The following MROH1 variants were observed in gnomAD, a reference collection of about 807,000 sequenced individuals.
MROH1 encodes maestro heat-like repeat-containing protein family member 1.
A neutral mutation model predicts 116.5 loss-of-function variants in MROH1; 117 were observed. The observed-to-expected ratio is 1.00, with a 90% CI of 0.86 to 1.17. The LOEUF (loss-of-function observed/expected upper bound fraction) is 1.17. MROH1 is among the 50% of genes most tolerant of loss of function. The pLI, the probability that MROH1 is intolerant of heterozygous loss-of-function variation, is 0.00. For missense variants in MROH1, 1,873 were observed against 1,338.5 expected (o/e 1.40, Z -6.23); for synonymous variants, 921 against 583.9 (o/e 1.58, Z -8.32).
chr8:144,216,503 C>T (rs1835297605), intron 12 of MROH1, among the ~76,000 whole-genome samples: 1 of 151,860 alleles, frequency 6.6e-6, no homozygotes, highest in Non-Finnish European at 1.5e-5. Context: ...ACACAGTGTC[C>T]AGTGTCTTTG....
rs1404346444 is a variant in MROH1 at position 144,192,683 on chromosome 8, G to C, written c.948+282G>C. 6.9e-5 allele frequency: 42 copies of C among 610,266 alleles called. No individual in the cohort carries two copies. The East Asian group carries it at 1.3e-3, about 19-fold the overall frequency. The allele number at this position is 610,266 out of a possible 1,614,324, so 37.8% of individuals were successfully genotyped here. A position where few individuals can be genotyped will look rare whatever the true frequency, so the allele number is the denominator to read the frequency against. ...CAGGCCCAGTACAGGTGGTCCCAGA[G>C]AAAGGTCAGCGCAGCTGAAGTGCCA... is the stretch of plus-strand genomic sequence containing the variant. On this transcript the variant is annotated intron_variant, in intron 10 of 43. Transcript: ENST00000326134.
chr8:144,184,818 G>A (rs1049336148), intron 7 of MROH1, among the ~76,000 whole-genome samples: 1 of 152,186 alleles, frequency 6.6e-6, no homozygotes, highest in African/African-American at 2.4e-5. Flanking sequence ...AAAGGGAGAT[G>A]CTGTGGAGGG....
At chr8:144,206,438 T>C (rs1832824281) in intron 12 of MROH1, among the ~76,000 whole-genome samples, 1 of 151,240 alleles carries the variant, frequency 6.6e-6, no homozygotes, top group African/African-American at 2.4e-5. Context: ...TTTTTTTTTT[T>C]TGAGACATAG....
At chr8:144,168,132 G>A (rs1264968809) in intron 3 of MROH1, among the ~76,000 whole-genome samples, 163 bp from the exon 4 acceptor site, 1 of 152,190 alleles carries the variant, frequency 6.6e-6, no homozygotes, top group Middle Eastern at 3.2e-3. Flanking sequence ...CAGCAGCTCA[G>A]GTGGAGGGAG....
chr8:144,162,105 G>T, intron 2 of MROH1, among the ~76,000 whole-genome samples: 1 of 130,940 alleles, frequency 7.6e-6, no homozygotes, highest in African/African-American at 2.9e-5. Context: ...TTTTTTTTAA[G>T]ACAGAGTCTC....
In MROH1 at chr8:144,162,725, G is replaced by GT. The variant is rs113583235; in HGVS notation, c.-56-1035dup. On this transcript the variant is annotated intron_variant, in intron 2 of 43. Coordinates refer to ENST00000326134, the MANE Select transcript of MROH1 (RefSeq NM_032450.3). ...GATGTCTTTTTTCTTTCTTTCTTTT[G>GT]TTTTTTTTTTTCTCTGAGACAGAGT... is the stretch of plus-strand genomic sequence containing the variant. Among the ~76,000 whole-genome samples, 411 of 142,304 alleles carry GT rather than the reference G, an allele frequency of 2.9e-3. 1 individual carries two copies. The highest frequency in any genetic ancestry group is 4.4e-3 in the Non-Finnish European group (282 of 64,760). 93.4% of individuals were successfully genotyped at this position (142,304 alleles called of 152,430 possible).
rs1170456365 is a variant in MROH1, at chr8:144,163,730, A to G, written c.-56-41A>G. On this transcript the variant is annotated intron_variant, in intron 2 of 43. Coordinates refer to ENST00000326134, the MANE Select transcript of MROH1 (RefSeq NM_032450.3). This position sits in a 1 kb window ranked among gnomAD's most constrained non-coding sequence, Gnocchi z 4.4. ...AATTGCCTGTGAACTCAGATATCGT[A>G]GAGGCTTATGAATTAAATCTTGTGA... The G allele has an allele frequency of 7.9e-7, 1 of 1,265,236 alleles. No individual in the cohort carries two copies. Among genetic ancestry groups the G allele is most frequent in the African/African-American group, 1.5e-5 (1 of 67,692 alleles). The allele number at this position is 1,265,236 out of a possible 1,614,324, so 78.4% of individuals were successfully genotyped here. A position where few individuals can be genotyped will look rare whatever the true frequency, so the allele number is the denominator to read the frequency against.
chr8:144,213,954 G>T, intron 12 of MROH1: 1 of 151,428 alleles, frequency 6.6e-6, no homozygotes, highest in Non-Finnish European at 1.5e-5. Context: ...TCTTTGTTTT[G>T]GTTTTGTTTT....
intron 1 of MROH1, among the ~76,000 whole-genome samples, chr8:144,154,642 G>T (rs1475779188): frequency 6.6e-6 from 1 of 150,718 alleles, no homozygotes; most frequent in Non-Finnish European, 1.5e-5. Flanking sequence ...TTAATTCTGT[G>T]TAGCTGTGAT....
rs539670169 is a variant in MROH1 at position 144,221,192 on chromosome 8, C to T, written c.1215+519C>T. On this transcript the variant is annotated intron_variant, in intron 13 of 43. Transcript: ENST00000326134. ...TGCCTTGGGGTCTGTCATGTGGACCCGGTTGGCGCCCTCGTGGCTGAGCTA... is the reference window on the plus strand; with the variant it reads ...TGCCTTGGGGTCTGTCATGTGGACCTGGTTGGCGCCCTCGTGGCTGAGCTA... 2.6e-5 allele frequency among the ~76,000 whole-genome samples: 4 copies of T among 152,306 alleles called. No individual in the cohort carries two copies. In the South Asian group the frequency reaches 6.2e-4, roughly 24 times the overall value.
At position 144,261,651 on chromosome 8, in the gene MROH1, C is replaced by A. The variant is rs1475490258; in HGVS notation, c.4841-4C>A. On this transcript the variant is annotated splice_polypyrimidine_tract_variant and splice_region_variant and intron_variant, in intron 43 of 43. Coordinates refer to ENST00000326134, the MANE Select transcript of MROH1 (RefSeq NM_032450.3). Reference sequence around the variant, plus strand: ...CGCAGGCAGCCCCCCTCCTCTACCCCCAGCGCTCCAGATCCTGCTGAAGGA... The same window carrying A: ...CGCAGGCAGCCCCCCTCCTCTACCCACAGCGCTCCAGATCCTGCTGAAGGA... 1.7e-5 allele frequency: 12 copies of A among 716,170 alleles called. No individual in the cohort carries two copies. In the East Asian group the frequency reaches 2.1e-4, roughly 13 times the overall value. The allele number at this position is 716,170 out of a possible 1,614,324, so 44.4% of individuals were successfully genotyped here.
intron 1 of MROH1, among the ~76,000 whole-genome samples, chr8:144,155,753 C>T (rs1334736706): frequency 1.3e-5 from 2 of 151,670 alleles, no homozygotes; most frequent in African/African-American, 4.8e-5. Flanking sequence ...CCTGCCTCAG[C>T]CTCCTGAGTA....
At chr8:144,256,001 T>C (rs1843689498) in intron 35 of MROH1, among the ~76,000 whole-genome samples, 1 of 152,224 alleles carries the variant, frequency 6.6e-6, no homozygotes, top group South Asian at 2.1e-4. Context: ...TCAGGCAGGA[T>C]CCGGGTGGTG....
chr8:144,222,973 G>A, intron 13 of MROH1, 135 bp from the exon 14 acceptor site: 1 of 1,249,718 alleles, frequency 8.0e-7, no homozygotes, highest in Non-Finnish European at 1.1e-6. Flanking sequence ...TGCAGGTACA[G>A]GTGTCAGTGT....
Position 144,239,019 on chromosome 8 carries a change from C to T in MROH1, c.1447-16C>T, listed in dbSNP as rs1840514919. On this transcript the variant is annotated splice_polypyrimidine_tract_variant and intron_variant, in intron 15 of 43. Coordinates refer to ENST00000326134, the MANE Select transcript of MROH1 (RefSeq NM_032450.3). Reference sequence around the variant, plus strand: ...GCCCTCTGGGCGGATGCAGACCAGGCCCTCTGCTCCCCTAGGTCCTCTGGC... The same window carrying T: ...GCCCTCTGGGCGGATGCAGACCAGGTCCTCTGCTCCCCTAGGTCCTCTGGC... 2.6e-6 allele frequency: 2 copies of T among 776,994 alleles called. No individual in the cohort carries two copies. The highest frequency in any genetic ancestry group is 1.7e-5 in the African/African-American group (1 of 59,138). 48.1% of individuals were successfully genotyped at this position (776,994 alleles called of 1,614,324 possible).
chr8:144,150,434 C>T (rs1280904732), intron 1 of MROH1, among the ~76,000 whole-genome samples: 2 of 152,016 alleles, frequency 1.3e-5, no homozygotes, highest in African/African-American at 2.4e-5. Context: ...TGTACTAGTA[C>T]GAGGGCATCT....
At chr8:144,227,153 G>A (rs968842502) in intron 14 of MROH1, among the ~76,000 whole-genome samples, 6 of 152,134 alleles carry the variant, frequency 3.9e-5, no homozygotes, top group African/African-American at 1.4e-4. Context: ...GATTCTTTGG[G>A]ATTTTCTACA....
At chr8:144,235,027 G>A (rs1696669854) in intron 14 of MROH1, among the ~76,000 whole-genome samples, 1 of 151,132 alleles carries the variant, frequency 6.6e-6, no homozygotes, top group African/African-American at 2.4e-5. Context: ...CGCGTAGCTG[G>A]GATTACAGGC....
intron 12 of MROH1, among the ~76,000 whole-genome samples, chr8:144,211,597 G>A (rs1834104778): frequency 6.6e-6 from 1 of 151,828 alleles, no homozygotes; most frequent in Non-Finnish European, 1.5e-5. Context: ...ATGGTGATGC[G>A]GGCCTGTAAT....
Sources: allele counts gnomAD v4.1 joint callset (sites outside exome capture counted in the v4.1 genomes callset), GRCh38; gene constraint gnomAD v4.1.1; non-coding constraint Gnocchi (gnomAD v3.1); transcripts MANE v1.5; gene names NCBI Gene and HGNC (gene_info 2026-07-23, HGNC 2026-07-21).